Variants in GLIS3 observed in about 807,000 individuals in gnomAD.
The protein encoded by GLIS3 is GLIS family zinc finger 3.
In GLIS3, 53 loss-of-function variants were observed where a neutral mutation model predicts 78.6. The observed-to-expected ratio is 0.67, with a 90% CI of 0.54 to 0.85. The LOEUF is 0.85. Ranked by LOEUF, GLIS3 falls within the 40% of genes least tolerant of loss-of-function variation. The pLI is 0.00. For missense variants in GLIS3, 1,703 were observed against 1,231.1 expected, an observed-to-expected ratio of 1.38 and a Z score of -5.74; for synonymous variants, 684 against 509.9, an observed-to-expected ratio of 1.34 and a Z score of -4.60.
intron 4 of GLIS3, among the ~76,000 whole-genome samples, chr9:4,114,754 C>T (rs1041366387): frequency 6.6e-6 from 1 of 151,990 alleles, no homozygotes; most frequent in Non-Finnish European, 1.5e-5. Flanking sequence ...AATGTCTCTG[C>T]AATCGAGGCC....
chr9:4,443,259 C>T, the GLIS3 span, among the ~76,000 whole-genome samples: 1 of 152,148 alleles, frequency 6.6e-6, no homozygotes, highest in Non-Finnish European at 1.5e-5. Flanking sequence ...GCCCCACTCA[C>T]GGCTTAAATT....
intron 4 of GLIS3, among the ~76,000 whole-genome samples, chr9:4,093,517 G>T (rs1829694513): frequency 6.6e-6 from 1 of 152,106 alleles, no homozygotes; most frequent in African/African-American, 2.4e-5. Context: ...AATAACTCAG[G>T]GTGCTGGCCC....
intron 2 of GLIS3, among the ~76,000 whole-genome samples, chr9:4,232,407 GAAAA>G (rs200860901): frequency 7.3e-6 from 1 of 137,078 alleles, no homozygotes; most frequent in Non-Finnish European, 1.6e-5. Context: ...AAAAAGAAAA[GAAAA>G]AAAAAGAAAG....
Position 3,828,193 on chromosome 9 carries a change from G to A in GLIS3, c.*79C>T, listed in dbSNP as rs1817827573. ...TGATTGGGCTGACATCCTTCCTCAA[G>A]CAGTCTGTGAGAGTACGAAAACAAA... On this transcript the variant is annotated 3_prime_UTR_variant, in exon 11 of 11. Transcript: ENST00000381971. The A allele has an allele frequency of 6.5e-7, 1 of 1,539,028 alleles. No individual in the cohort carries two copies. The highest frequency in any genetic ancestry group is 9.0e-7 in the Non-Finnish European group (1 of 1,115,160).
intron 1 of GLIS3, among the ~76,000 whole-genome samples, chr9:4,293,166 CACTT>C (rs1207656278): frequency 6.6e-6 from 1 of 152,184 alleles, no homozygotes; most frequent in African/African-American, 2.4e-5. Context: ...TGTAACTAAA[CACTT>C]AGTCCATATG....
intron 4 of GLIS3, among the ~76,000 whole-genome samples, chr9:4,040,689 T>C (rs147383687): frequency 8.3e-4 from 126 of 152,274 alleles, no homozygotes; most frequent in African/African-American, 2.9e-3. Flanking sequence ...ACTAAGTGGA[T>C]AGTGAGTTAT....
intron 4 of GLIS3, among the ~76,000 whole-genome samples, chr9:4,007,430 C>T (rs1365366639): frequency 6.6e-6 from 1 of 152,138 alleles, no homozygotes; most frequent in East Asian, 1.9e-4. Context: ...GTACCAGATA[C>T]ATCCCTCTTT....
intron 2 of GLIS3, among the ~76,000 whole-genome samples, chr9:4,199,320 C>T (rs1159897939): frequency 6.6e-6 from 1 of 152,068 alleles, no homozygotes; most frequent in African/African-American, 2.4e-5. Context: ...AGAGACCCAC[C>T]TCACATGTAA....
intron 4 of GLIS3, among the ~76,000 whole-genome samples, chr9:3,976,377 G>A (rs1331687708): frequency 1.3e-5 from 2 of 152,022 alleles, no homozygotes; most frequent in Non-Finnish European, 2.9e-5. Flanking sequence ...CATGACATAG[G>A]AAATCACAGA....
chr9:4,077,433 G>C (rs62521689), intron 4 of GLIS3, among the ~76,000 whole-genome samples: 1 of 152,128 alleles, frequency 6.6e-6, no homozygotes, highest in South Asian at 2.1e-4. Context: ...ACTGGGCATA[G>C]TTGGCCTGGA....
chr9:4,475,456 G>C, the GLIS3 span, among the ~76,000 whole-genome samples: 1 of 152,090 alleles, frequency 6.6e-6, no homozygotes, highest in Admixed American at 6.5e-5. Context: ...ATTCTTTGTG[G>C]TATTATTTGT....
intron 4 of GLIS3, among the ~76,000 whole-genome samples, chr9:3,991,955 G>T (rs1056429596): frequency 6.6e-6 from 1 of 152,122 alleles, no homozygotes; most frequent in Non-Finnish European, 1.5e-5. Context: ...CTCCCAAAGT[G>T]CTGGGATTAC....
Position 3,879,452 on chromosome 9 carries a change from T to A in GLIS3, c.2272A>T (p.Thr758Ser), listed in dbSNP as rs1821573529. The change falls in exon 8 of 11, where the codon ACA becomes TCA. Residue 758 changes from threonine to serine, a missense_variant. Transcript: ENST00000381971. ...CTCTCAGCTCCTGCGTCCACAGCTG[T>A]GAGTGGAGGTAACTGGGAGGAGGGG... The part of the protein sequence containing the change: ...HNPSSQLPPL[T>S]AVDAGAERFA... 1 of 1,613,880 alleles carries A rather than the reference T, an allele frequency of 6.2e-7. No individual in the cohort carries two copies. The highest frequency in any genetic ancestry group is 1.7e-5 in the Admixed American group (1 of 59,988).
intron 6 of GLIS3, among the ~76,000 whole-genome samples, chr9:3,922,221 TA>T (rs1824938146): frequency 6.6e-6 from 1 of 152,110 alleles, no homozygotes; most frequent in Non-Finnish European, 1.5e-5. Context: ...ATGCAGTCAT[TA>T]AAAATATAGT....
intron 4 of GLIS3, among the ~76,000 whole-genome samples, chr9:3,996,466 G>C (rs185355644): frequency 1.6e-3 from 251 of 152,196 alleles, no homozygotes; most frequent in African/African-American, 5.8e-3. Context: ...GTGTTGTTTG[G>C]GATAAAGGTA....
chr9:4,410,007 G>C, the GLIS3 span, among the ~76,000 whole-genome samples: 3 of 152,254 alleles, frequency 2.0e-5, no homozygotes, highest in African/African-American at 4.8e-5. Flanking sequence ...GCCTCACTCT[G>C]TCACCCAGGC....
chr9:4,268,922 T>G (rs554642101), intron 2 of GLIS3, among the ~76,000 whole-genome samples: 6 of 152,322 alleles, frequency 3.9e-5, no homozygotes, highest in African/African-American at 1.4e-4. Flanking sequence ...TATCTACACA[T>G]TTCCTCACAG....
chr9:4,475,283 TAAG>T, the GLIS3 span, among the ~76,000 whole-genome samples: 1 of 152,194 alleles, frequency 6.6e-6, no homozygotes, highest in Admixed American at 6.5e-5. Flanking sequence ...TATAGTAAAG[TAAG>T]AAGAGGCTGA....
chr9:4,347,420 T>C (rs1000932615), intron 1 of GLIS3, among the ~76,000 whole-genome samples: 2 of 152,104 alleles, frequency 1.3e-5, no homozygotes, highest in Non-Finnish European at 2.9e-5. Flanking sequence ...ATCCAAACTA[T>C]AGCAACCTGA....
Sources: gnomAD v4.1 joint callset for allele counts (sites outside exome capture counted in the v4.1 genomes callset) on GRCh38, gnomAD v4.1.1 for gene constraint, MANE v1.5 for transcripts, NCBI Gene and HGNC (gene_info 2026-07-23, HGNC 2026-07-21) for gene names.